The following NTM variants were observed in gnomAD, a reference collection of about 807,000 sequenced individuals.
NTM encodes the protein neurotrimin.
NTM carries 13 observed loss-of-function variants against 42.1 expected under a neutral mutation model. The observed-to-expected ratio is 0.31, with a 90% CI of 0.20 to 0.49. NTM has a LOEUF of 0.49. Among genes scored for constraint, NTM ranks in the 20% least tolerant of loss-of-function variants. The pLI is 0.99. For missense variants in NTM, 373 were observed against 452.8 expected (o/e 0.82, Z 1.60); for synonymous variants, 187 against 179.2 (o/e 1.04, Z -0.35).
intron 2 of NTM, among the ~76,000 whole-genome samples, chr11:132,079,061 G>A (rs1161848830): frequency 2.6e-5 from 4 of 152,146 alleles, no homozygotes; most frequent in Admixed American, 6.5e-5. Context: ...TGGTGAGCGC[G>A]AGCCCACGGA....
At chr11:132,329,350 G>GGAGA (rs2136417308) in intron 7 of NTM, among the ~76,000 whole-genome samples, 1 of 152,340 alleles carries the variant, frequency 6.6e-6, no homozygotes, top group East Asian at 1.9e-4. Context: ...CAGAAAAGGT[G>GGAGA]GAGAGACTCC....
chr11:131,549,145 G>A (rs1010815080), intron 1 of NTM, among the ~76,000 whole-genome samples: 4 of 152,080 alleles, frequency 2.6e-5, no homozygotes, highest in South Asian at 2.1e-4. Flanking sequence ...TTTAGAGGCC[G>A]GCTGGGGAAG....
At chr11:131,684,354 C>A (rs1396775216) in intron 1 of NTM, among the ~76,000 whole-genome samples, 1 of 152,146 alleles carries the variant, frequency 6.6e-6, no homozygotes, top group Admixed American at 6.5e-5. Context: ...TCACACACCC[C>A]CTCCCCACCT....
intron 4 of NTM, among the ~76,000 whole-genome samples, chr11:132,273,615 AT>A (rs2093594855): frequency 6.6e-6 from 1 of 152,162 alleles, no homozygotes; most frequent in African/African-American, 2.4e-5. Context: ...GATTTTTAAA[AT>A]ATCTCCTTGG....
chr11:132,242,394 G>A (rs1367436334), intron 4 of NTM, among the ~76,000 whole-genome samples: 4 of 152,078 alleles, frequency 2.6e-5, no homozygotes, highest in Admixed American at 1.3e-4. Context: ...TACATTTAGG[G>A]GAAAAAAGGG....
At chr11:131,447,881 G>A (rs1174847075) in intron 1 of NTM, among the ~76,000 whole-genome samples, 1 of 152,208 alleles carries the variant, frequency 6.6e-6, no homozygotes, top group African/African-American at 2.4e-5. Context: ...CTCCCGTTTG[G>A]GGCAGGTCTG....
At chr11:131,452,194 G>T (rs1950537975) in intron 1 of NTM, among the ~76,000 whole-genome samples, 1 of 152,214 alleles carries the variant, frequency 6.6e-6, no homozygotes, top group South Asian at 2.1e-4. Context: ...AACGGGCTGA[G>T]AAATGGAAAG....
At chr11:132,332,949 GC>G (rs1322351149) in intron 8 of NTM, among the ~76,000 whole-genome samples, 3 of 152,164 alleles carry the variant, frequency 2.0e-5, no homozygotes, top group Non-Finnish European at 4.4e-5. Flanking sequence ...CAGGGAGGGA[GC>G]GGGAGACGGG....
chr11:131,455,377 A>G (rs143307592), intron 1 of NTM: 1 of 152,384 alleles, frequency 6.6e-6, no homozygotes, highest in Non-Finnish European at 1.5e-5. Flanking sequence ...TGGCATTCCC[A>G]CTGTCAGACC....
intron 1 of NTM, among the ~76,000 whole-genome samples, chr11:131,716,487 C>G (rs1363748606): frequency 6.6e-6 from 1 of 152,164 alleles, no homozygotes; most frequent in Non-Finnish European, 1.5e-5. Context: ...TTCCCACCAG[C>G]AGTATATGAC....
At chr11:131,680,047 G>A (rs2072167449) in intron 1 of NTM, among the ~76,000 whole-genome samples, 1 of 152,158 alleles carries the variant, frequency 6.6e-6, no homozygotes, top group Non-Finnish European at 1.5e-5. Context: ...TCGAGCTTCA[G>A]TAAATCCCTC....
intron 3 of NTM, among the ~76,000 whole-genome samples, chr11:132,152,818 T>C (rs2072258289): frequency 6.6e-6 from 1 of 152,200 alleles, no homozygotes; most frequent in Admixed American, 6.5e-5. Flanking sequence ...ACTAAAGTAA[T>C]CTCAGAAAAA....
intron 1 of NTM, among the ~76,000 whole-genome samples, chr11:131,439,428 G>A (rs1949422566): frequency 6.6e-6 from 1 of 152,188 alleles, no homozygotes; most frequent in Non-Finnish European, 1.5e-5. Context: ...AGACTACAGA[G>A]GCAGTTGGTC....
intron 2 of NTM, among the ~76,000 whole-genome samples, chr11:132,129,082 G>C (rs10894509): frequency 0.48 from 73,266 of 151,802 alleles, 18,445 homozygotes; most frequent in Non-Finnish European, 0.56. Context: ...AGAAAGTGCC[G>C]CTGGAAAAGT....
intron 1 of NTM, among the ~76,000 whole-genome samples, chr11:131,878,899 A>G (rs1345276170): frequency 1.3e-5 from 2 of 151,816 alleles, no homozygotes; most frequent in Non-Finnish European, 2.9e-5. Context: ...CCACCCCTAA[A>G]TACTCCAGTG....
chr11:131,868,264 G>A (rs1019769340), intron 1 of NTM, among the ~76,000 whole-genome samples: 3 of 151,928 alleles, frequency 2.0e-5, no homozygotes, highest in African/African-American at 7.3e-5. Context: ...TCCAAGCCCC[G>A]CAGCCACCCA....
intron 3 of NTM, among the ~76,000 whole-genome samples, chr11:132,208,281 G>A (rs565282622): frequency 6.6e-6 from 1 of 152,292 alleles, no homozygotes; most frequent in African/African-American, 2.4e-5. Flanking sequence ...TTGCCACCTA[G>A]AAAATCATAT....
At chr11:131,419,458 C>T (rs1947285273) in intron 1 of NTM, among the ~76,000 whole-genome samples, 1 of 152,040 alleles carries the variant, frequency 6.6e-6, no homozygotes, top group African/African-American at 2.4e-5. Context: ...GACACCTAGG[C>T]TGAGGCCTGA....
At chr11:131,399,604 T>C (rs1279019501) in intron 1 of NTM, among the ~76,000 whole-genome samples, 5 of 152,166 alleles carry the variant, frequency 3.3e-5, no homozygotes, top group African/African-American at 1.2e-4. Context: ...TGGTTGCTAA[T>C]CCTATACTCT....
Sources: gnomAD v4.1 joint callset for allele counts (sites outside exome capture counted in the v4.1 genomes callset) on GRCh38, gnomAD v4.1.1 for gene constraint, MANE v1.5 for transcripts, NCBI Gene and HGNC (gene_info 2026-07-23, HGNC 2026-07-21) for gene names.